CCDC125: variants seen among roughly 807,000 people sequenced by gnomAD.
CCDC125 encodes coiled-coil domain containing 125, also known as coiled-coil domain-containing protein 125.
Under a neutral mutation model 57.4 loss-of-function variants are expected in CCDC125, and 43 were observed. The observed-to-expected ratio is 0.75, with a 90% CI of 0.59 to 0.97. The LOEUF is 0.97. Ranked by LOEUF, CCDC125 falls within the 50% of genes least tolerant of loss-of-function variation. The pLI is 0.00. For synonymous variants in CCDC125, 187 were observed against 195.2 expected, an observed-to-expected ratio of 0.96 and a Z score of 0.35; for missense variants, 563 against 595.7, an observed-to-expected ratio of 0.95 and a Z score of 0.57.
chr5:69,285,370 A>T lies in CCDC125; in HGVS notation c.1197T>A (p.Ser399Arg). ...TGAGCATCTTAAGGACCTCTTGAGG[A>T]CTGTCCTGGTCTTCCATCCTCTTAG... ...NSSKRMEDQD[S>R]PQEVLKMLID... The change falls in exon 11 of 12, where the codon AGT (serine) becomes AGA (arginine). Residue 399 changes from serine (S) to arginine (R), a missense_variant. Physicochemically the swap from Ser to Arg is moderately radical, Grantham distance 110 (BLOSUM62 -1). Coordinates refer to ENST00000396496, the MANE Select transcript of CCDC125 (RefSeq NM_176816.5). The T allele has an allele frequency of 6.2e-7, 1 of 1,612,194 alleles. No homozygotes were observed. Among genetic ancestry groups the T allele is most frequent in the South Asian group, 1.1e-5 (1 of 90,772 alleles).
rs146188531 is a variant in CCDC125, at chr5:69,327,586, C to T, written c.-41+5063G>A. Among the ~76,000 whole-genome samples the T allele has an allele frequency of 7.7e-3, 1,169 of 152,280 alleles. 9 individuals carry two copies. Among genetic ancestry groups the T allele is most frequent in the African/African-American group, 0.026 (1,092 of 41,556 alleles). On this transcript the variant is annotated intron_variant, in intron 1 of 11. Transcript: ENST00000396496. Reference sequence around the variant, plus strand: ...TGTGTTAACGGAGAAGGCACTGACTCGAGAGGTCTGGGTTCAAATCTCACT... The same window carrying T: ...TGTGTTAACGGAGAAGGCACTGACTTGAGAGGTCTGGGTTCAAATCTCACT...
Position 69,298,970 on chromosome 5 carries a change from T to C in CCDC125, c.816+1042A>G, listed in dbSNP as rs558044056. On this transcript the variant is annotated intron_variant, in intron 8 of 11. Transcript: ENST00000396496. The stretch of plus-strand genomic sequence containing the variant: ...TACCTCATTTGTGAAGTGGGGATTT[T>C]AACAGTACCCACTTTATGGGGTAGT... 5.3e-5 allele frequency among the ~76,000 whole-genome samples: 8 copies of C among 152,324 alleles called. No homozygotes were observed. The South Asian group carries it at 1.2e-3, about 24-fold the overall frequency.
downstream of CCDC125, chr5:69,276,569 T>C: frequency 6.2e-7 from 1 of 1,613,392 alleles, no homozygotes; most frequent in Non-Finnish European, 8.5e-7. Flanking sequence ...ATTTCAGTAA[T>C]CGGCCAGGGC....
rs1385732536 is a variant in CCDC125, at chr5:69,332,706, A to C, written c.-98T>G. 6.6e-6 allele frequency: 1 copy of C among 152,040 alleles called. No individual in the cohort carries two copies. Among genetic ancestry groups the C allele is most frequent in the Middle Eastern group, 3.1e-3 (1 of 318 alleles). The allele number at this position is 152,040 out of a possible 1,614,324, so 9.4% of individuals were successfully genotyped here. The stretch of plus-strand genomic sequence containing the variant: ...GTCCGTGGCGGGGACCGGAGCCCGG[A>C]CTCCAGCTCAGCGAACAGCACCCTC... On this transcript the variant is annotated 5_prime_UTR_variant, in exon 1 of 12. Coordinates refer to ENST00000396496, the MANE Select transcript of CCDC125 (RefSeq NM_176816.5).
At chr5:69,318,596 A>AT (rs1256312912) in intron 2 of CCDC125, among the ~76,000 whole-genome samples, 1 of 149,908 alleles carries the variant, frequency 6.7e-6, no homozygotes, top group Non-Finnish European at 1.5e-5. Flanking sequence ...TACAAAAAAA[A>AT]AAAAAAATTA....
chr5:69,327,181 G>A (rs531177967), intron 1 of CCDC125, among the ~76,000 whole-genome samples: 15 of 147,784 alleles, frequency 1.0e-4, no homozygotes, highest in African/African-American at 3.5e-4. Context: ...TGCAAGCTCC[G>A]CCTCCCGGGT....
rs180722638 is a variant in CCDC125, at chr5:69,282,423, G to A, written c.*306C>T. 9 of 220,830 alleles carry A rather than the reference G, an allele frequency of 4.1e-5. No homozygotes were observed. The highest frequency in any genetic ancestry group is 2.8e-4 in the Admixed American group (5 of 17,814). The allele number at this position is 220,830 out of a possible 1,614,324, so 13.7% of individuals were successfully genotyped here. On this transcript the variant is annotated 3_prime_UTR_variant, in exon 12 of 12. Transcript: ENST00000396496. ...CTAAAAATACAAAAATTAGCTGGGC[G>A]TGGTGGCACATGCCTGTAATCCGAG...
Position 69,303,310 on chromosome 5 carries a change from A to G in CCDC125, c.700+537T>C, listed in dbSNP as rs1316982096. ...AGTGATCCTCCTGCCTTGGCCTCCCAAAGTTCTGGGATTACAGGCATGAGT... is the reference window on the plus strand; with the variant it reads ...AGTGATCCTCCTGCCTTGGCCTCCCGAAGTTCTGGGATTACAGGCATGAGT... On this transcript the variant is annotated intron_variant, in intron 7 of 11. Coordinates refer to ENST00000396496, the MANE Select transcript of CCDC125 (RefSeq NM_176816.5). Among the ~76,000 whole-genome samples the G allele has an allele frequency of 6.6e-5, 10 of 151,788 alleles. No homozygotes were observed. In the East Asian group the frequency reaches 9.7e-4, roughly 15 times the overall value.
chr5:69,322,867 T>A (rs543367239), intron 1 of CCDC125, among the ~76,000 whole-genome samples: 13 of 151,116 alleles, frequency 8.6e-5, no homozygotes, highest in African/African-American at 3.1e-4. Context: ...GCCCAAAAAT[T>A]TTTTTTTAAA....
chr5:69,299,952 G>T, intron 8 of CCDC125, 60 bp downstream of exon 8: 1 of 1,269,802 alleles, frequency 7.9e-7, no homozygotes, highest in Non-Finnish European at 1.2e-6. Flanking sequence ...AGGGCAATGG[G>T]AGAAAGAAAG....
chr5:69,326,496 G>A (rs934551700), intron 1 of CCDC125, among the ~76,000 whole-genome samples: 6 of 152,108 alleles, frequency 3.9e-5, no homozygotes, highest in African/African-American at 1.4e-4. Flanking sequence ...ACTCCTGCTT[G>A]TTAAGGGCAA....
At chr5:69,289,365 A>G (rs1239619302) in intron 10 of CCDC125, among the ~76,000 whole-genome samples, 1 of 152,332 alleles carries the variant, frequency 6.6e-6, no homozygotes, top group East Asian at 1.9e-4. Context: ...TTATCTACAC[A>G]TAGCTGTGGT....
At chr5:69,300,756 T>C (rs1756262901) in intron 7 of CCDC125, among the ~76,000 whole-genome samples, 1 of 152,018 alleles carries the variant, frequency 6.6e-6, no homozygotes, top group African/African-American at 2.4e-5. Flanking sequence ...TCCAGCTGTG[T>C]GTGCAGATCT....
At chr5:69,284,403 G>A (rs575994756) in intron 11 of CCDC125, among the ~76,000 whole-genome samples, 2 of 152,238 alleles carry the variant, frequency 1.3e-5, no homozygotes, top group East Asian at 3.9e-4. Flanking sequence ...TAGCAGGACT[G>A]TAAAGGATAT....
At chr5:69,311,751 T>C (rs1414116939) in intron 3 of CCDC125, among the ~76,000 whole-genome samples, 1 of 149,358 alleles carries the variant, frequency 6.7e-6, no homozygotes, top group Non-Finnish European at 1.5e-5. Flanking sequence ...GGAAGGTCTC[T>C]GAGACAGAGT....
rs757908887 is a variant in CCDC125 at position 69,282,987 on chromosome 5, G to A, written c.1278C>T (p.Tyr426=). The A allele has an allele frequency of 6.2e-7, 1 of 1,607,402 alleles. No homozygotes were observed. The change falls in exon 12 of 12, where the codon TAC becomes TAT. Residue 426 remains tyrosine, a synonymous_variant. Transcript: ENST00000396496. ...EALAHQRKVS[Y]MLARALEDKD... is the part of the protein sequence containing the mutation. ...TGTCTTCCAATGCCCGAGCAAGCAT[G>A]TAGCTAACTTTTCTTTGATGAGCCA... is the stretch of plus-strand genomic sequence containing the variant.
chr5:69,295,287 C>T (rs933829878), intron 8 of CCDC125, among the ~76,000 whole-genome samples: 3 of 152,072 alleles, frequency 2.0e-5, no homozygotes, highest in South Asian at 2.1e-4. Context: ...CCCTGATGCC[C>T]GGCATTCACT....
intron 2 of CCDC125, 43 bp downstream of exon 2, chr5:69,320,194 T>G: frequency 6.7e-7 from 1 of 1,493,708 alleles, no homozygotes; most frequent in South Asian, 1.2e-5. Flanking sequence ...GCTTTGATAC[T>G]ATGCACAGGA....
chr5:69,326,997 C>T (rs1029909663), intron 1 of CCDC125, among the ~76,000 whole-genome samples: 3 of 152,064 alleles, frequency 2.0e-5, no homozygotes, highest in African/African-American at 7.2e-5. Context: ...GTGATCACGC[C>T]ACTGCACTCT....
Sources: gnomAD v4.1 joint callset for allele counts (sites outside exome capture counted in the v4.1 genomes callset) on GRCh38, gnomAD v4.1.1 for gene constraint, MANE v1.5 for transcripts, NCBI Gene and HGNC (gene_info 2026-07-23, HGNC 2026-07-21) for gene names.